The following PRKN variants were observed in gnomAD, a reference collection of about 807,000 sequenced individuals.
PRKN encodes the protein E3 ubiquitin-protein ligase parkin.
In PRKN, 56 loss-of-function variants were observed where a neutral mutation model predicts 59.5. That is an observed-to-expected ratio of 0.94 (90% CI 0.76 to 1.18). The LOEUF is 1.18. Among genes scored for constraint, PRKN ranks in the 50% most tolerant of loss-of-function variants. The pLI is 0.00. For synonymous variants in PRKN, 250 were observed against 222.1 expected (o/e 1.13, Z -1.12); for missense variants, 657 against 596.4 (o/e 1.10, Z -1.06).
At chr6:162,581,902 C>A in intron 1 of PRKN, among the ~76,000 whole-genome samples, 1 of 152,036 alleles carries the variant, frequency 6.6e-6, no homozygotes, top group East Asian at 1.9e-4. Context: ...TGGTCAAAAC[C>A]AAGACACAAA....
Position 161,411,863 on chromosome 6 carries a change from CCATTCCTTCTTCATT to C in PRKN, c.1084-25001_1084-24987del, listed in dbSNP as rs1207958299. Among the ~76,000 whole-genome samples, 53 of 145,570 alleles carry C rather than the reference CCATTCCTTCTTCATT, an allele frequency of 3.6e-4. 1 individual carries two copies. Among genetic ancestry groups the C allele is most frequent in the African/African-American group, 1.2e-3 (46 of 38,474 alleles). ...CATTCCTCCCTCATTCCTTCCTCAC[CCATTCCTTCTTCATT>C]CATTCCTTCCTCATTCATTCCTCCA... On this transcript the variant is annotated intron_variant, in intron 9 of 11. Transcript: ENST00000366898.
At chr6:162,356,070 C>T (rs1271201182) in intron 2 of PRKN, among the ~76,000 whole-genome samples, 1 of 152,062 alleles carries the variant, frequency 6.6e-6, no homozygotes, top group African/African-American at 2.4e-5. Context: ...GCACTGTGGG[C>T]ACTTTACACC....
At chr6:162,479,037 T>G (rs1434661645) in intron 1 of PRKN, among the ~76,000 whole-genome samples, 2 of 152,142 alleles carry the variant, frequency 1.3e-5, no homozygotes, top group Non-Finnish European at 2.9e-5. Flanking sequence ...AACATTTCCT[T>G]TCCTCTGTGA....
At chr6:161,842,784 G>A (rs1365201892) in intron 6 of PRKN, among the ~76,000 whole-genome samples, 6 of 152,038 alleles carry the variant, frequency 3.9e-5, no homozygotes, top group Non-Finnish European at 7.4e-5. Context: ...TCCTGACCTC[G>A]TGATCTGCCC....
chr6:161,722,960 T>C (rs1787285759), intron 7 of PRKN, among the ~76,000 whole-genome samples: 1 of 152,134 alleles, frequency 6.6e-6, no homozygotes, highest in Non-Finnish European at 1.5e-5. Context: ...AAAAGAGTCC[T>C]CATTTAGGAG....
chr6:161,883,580 G>C (rs1053904871), intron 6 of PRKN, among the ~76,000 whole-genome samples: 1 of 152,140 alleles, frequency 6.6e-6, no homozygotes, highest in African/African-American at 2.4e-5. Context: ...ATCTACCTGT[G>C]AGTAGTAACT....
chr6:161,511,153 G>T (rs1006539189), intron 9 of PRKN, among the ~76,000 whole-genome samples: 2 of 152,118 alleles, frequency 1.3e-5, no homozygotes, highest in Non-Finnish European at 2.9e-5. Context: ...AAAAATAAAT[G>T]TTCTTTGTGG....
intron 2 of PRKN, among the ~76,000 whole-genome samples, chr6:162,317,322 T>C (rs754764080): frequency 6.6e-6 from 1 of 151,980 alleles, no homozygotes. Context: ...TACGACTGTT[T>C]TATAAATGTG....
chr6:161,420,589 C>T (rs1288809962), intron 9 of PRKN, among the ~76,000 whole-genome samples: 1 of 152,064 alleles, frequency 6.6e-6, no homozygotes, highest in Non-Finnish European at 1.5e-5. Flanking sequence ...TAACATCTCA[C>T]TGCAGCCTCC....
intron 2 of PRKN, among the ~76,000 whole-genome samples, chr6:162,339,935 G>A (rs1034868821): frequency 1.3e-4 from 19 of 148,872 alleles, no homozygotes; most frequent in African/African-American, 4.5e-4. Flanking sequence ...GATGCTTGAA[G>A]GCAGCATGCT....
In PRKN at chr6:161,460,996, A is replaced by T. The variant is rs1422351220; in HGVS notation, c.1084-74119T>A. On this transcript the variant is annotated intron_variant, in intron 9 of 11. Coordinates refer to ENST00000366898, the MANE Select transcript of PRKN (RefSeq NM_004562.3). This position sits in a 1 kb window ranked among gnomAD's most constrained non-coding sequence, Gnocchi z 5.0. ...ATGGTCTTGATCACCTGACCTCATG[A>T]TCTGCCTGCCTTGGCTTCCCAAAGT... Among the ~76,000 whole-genome samples, 2 of 151,450 alleles carry T rather than the reference A, an allele frequency of 1.3e-5. No homozygotes were observed. Among genetic ancestry groups the T allele is most frequent in the African/African-American group, 2.4e-5 (1 of 41,166 alleles).
At chr6:162,390,751 G>A (rs1234924023) in intron 2 of PRKN, among the ~76,000 whole-genome samples, 1 of 151,908 alleles carries the variant, frequency 6.6e-6, no homozygotes, top group Non-Finnish European at 1.5e-5. Flanking sequence ...CCCTGCTAAG[G>A]TATATTAACG....
At chr6:161,996,558 T>G (rs2128260809) in intron 5 of PRKN, among the ~76,000 whole-genome samples, 1 of 152,306 alleles carries the variant, frequency 6.6e-6, no homozygotes, top group East Asian at 1.9e-4. Context: ...TCCCCAATTT[T>G]TAGCTCCTCT....
chr6:161,461,088 T>C lies in PRKN; in HGVS notation c.1084-74211A>G, dbSNP rs1790194985. Among the ~76,000 whole-genome samples, 1 of 152,074 alleles carries C rather than the reference T, an allele frequency of 6.6e-6. No homozygotes were observed. The highest frequency in any genetic ancestry group is 2.4e-5 in the African/African-American group (1 of 41,410). On this transcript the variant is annotated intron_variant, in intron 9 of 11. Transcript: ENST00000366898. The surrounding 1 kb of genome is among the most constrained non-coding windows in gnomAD (Gnocchi z 5.1). ...TCATCTTTATCATAAGTACTTACTGTCTATTAACCCCATAAACATTCCACC... is the reference window on the plus strand; with the variant it reads ...TCATCTTTATCATAAGTACTTACTGCCTATTAACCCCATAAACATTCCACC...
chr6:161,593,410 C>A lies in PRKN; in HGVS notation c.872-23994G>T, dbSNP rs1475524595. Among the ~76,000 whole-genome samples the A allele has an allele frequency of 6.6e-6, 1 of 152,112 alleles. No individual in the cohort carries two copies. Among genetic ancestry groups the A allele is most frequent in the Non-Finnish European group, 1.5e-5 (1 of 68,038 alleles). Reference sequence around the variant, plus strand: ...AATATATGGTGAGGCTGGTTTCAAGCTAATATTGGCCAATCCCCAACCCTG... The same window carrying A: ...AATATATGGTGAGGCTGGTTTCAAGATAATATTGGCCAATCCCCAACCCTG... On this transcript the variant is annotated intron_variant, in intron 7 of 11. Transcript: ENST00000366898. This position sits in a 1 kb window ranked among gnomAD's most constrained non-coding sequence, Gnocchi z 4.8.
Position 161,397,895 on chromosome 6 carries a change from T to C in PRKN, c.1084-11018A>G, listed in dbSNP as rs541851082. Among the ~76,000 whole-genome samples, 2 of 152,184 alleles carry C rather than the reference T, an allele frequency of 1.3e-5. No homozygotes were observed. The highest frequency in any genetic ancestry group is 1.9e-4 in the East Asian group (1 of 5,180). On this transcript the variant is annotated intron_variant, in intron 9 of 11. Coordinates refer to ENST00000366898, the MANE Select transcript of PRKN (RefSeq NM_004562.3). The surrounding 1 kb of genome is among the most constrained non-coding windows in gnomAD (Gnocchi z 4.2). ...TCCAATGGTTCAATGGTCAGCTAGA[T>C]TCAGAGGCTAAGATCACAGGCATGA...
chr6:162,262,756 G>C lies in PRKN; in HGVS notation c.181C>G (p.Leu61Val). The C allele has an allele frequency of 3.1e-6, 5 of 1,602,596 alleles. No homozygotes were observed. The highest frequency in any genetic ancestry group is 3.4e-6 in the Non-Finnish European group (4 of 1,176,830). Reference protein sequence around the residue: ...RNDWTVQNCDLDQQSIVHIVQ... With the variant: ...RNDWTVQNCDVDQQSIVHIVQ... ...ATGTGAACAATGCTCTGCTGATCCA[G>C]GTCACAATTCTGTTTGGGAGCAAGG... Residue 61 changes from leucine (L) to valine (V), a missense_variant, in exon 3 of 12, where the codon CTG becomes GTG. Coordinates refer to ENST00000366898, the MANE Select transcript of PRKN (RefSeq NM_004562.3).
chr6:162,147,167 C>T (rs1487064318), intron 4 of PRKN, among the ~76,000 whole-genome samples: 4 of 150,660 alleles, frequency 2.7e-5, no homozygotes, highest in Non-Finnish European at 1.5e-5. Flanking sequence ...ATGGTGAAAC[C>T]TCATCTCTAC....
Position 161,773,294 on chromosome 6 carries a change from T to G in PRKN, c.871+12478A>C, listed in dbSNP as rs576541090. 9.8e-5 allele frequency among the ~76,000 whole-genome samples: 15 copies of G among 152,302 alleles called. No individual in the cohort carries two copies. The East Asian group carries it at 2.7e-3, about 27-fold the overall frequency. On this transcript the variant is annotated intron_variant, in intron 7 of 11. Transcript: ENST00000366898. ...TTAAAATGATATATTTAAAGGTCAA[T>G]TAGTATTTTATTGACTACGTTAGAA... is the stretch of plus-strand genomic sequence containing the variant.
Sources: allele counts gnomAD v4.1 joint callset (sites outside exome capture counted in the v4.1 genomes callset), GRCh38; gene constraint gnomAD v4.1.1; non-coding constraint Gnocchi (gnomAD v3.1); transcripts MANE v1.5; gene names NCBI Gene and HGNC (gene_info 2026-07-23, HGNC 2026-07-21).